The following TNRC6A variants were observed in gnomAD, a reference collection of about 807,000 sequenced individuals.
The protein encoded by TNRC6A is trinucleotide repeat-containing gene 6A protein.
A neutral mutation model predicts 221.2 loss-of-function variants in TNRC6A; 44 were observed. The ratio of observed to expected loss-of-function variants is 0.20; its 90% CI spans 0.16 to 0.26. The LOEUF (loss-of-function observed/expected upper bound fraction) is 0.26. Among genes scored for constraint, TNRC6A ranks in the 10% least tolerant of loss-of-function variants. The pLI is 1.00. For synonymous variants in TNRC6A, 847 were observed against 838.5 expected (o/e 1.01, Z -0.18); for missense variants, 2,199 against 2,404.4 (o/e 0.91, Z 1.79).
At chr16:24,675,084 C>T (rs1432810925) in intron 2 of TNRC6A, among the ~76,000 whole-genome samples, 2 of 151,900 alleles carry the variant, frequency 1.3e-5, no homozygotes, top group African/African-American at 2.4e-5. Flanking sequence ...AGTTCAAGGT[C>T]GCAGTCAGCT....
At chr16:24,822,236 A>G (rs969830925) in intron 23 of TNRC6A, 89 bp downstream of exon 23, 12 of 1,312,474 alleles carry the variant, frequency 9.1e-6, no homozygotes, top group Non-Finnish European at 1.3e-5. Context: ...AAGGGCTGCT[A>G]GGTGGTAGTG....
chr16:24,730,405 C>G, intron 2 of TNRC6A, 105 bp downstream of exon 2: 1 of 1,366,570 alleles, frequency 7.3e-7, no homozygotes, highest in Admixed American at 2.2e-5. Context: ...TTTTCTTCCG[C>G]ACCCGGAGAG....
At chr16:24,707,502 G>A (rs374164107) in intron 2 of TNRC6A, among the ~76,000 whole-genome samples, 2 of 151,934 alleles carry the variant, frequency 1.3e-5, no homozygotes, top group Non-Finnish European at 2.9e-5. Context: ...TAAATTAAAA[G>A]GTAGGTAACA....
At chr16:24,709,058 A>T (rs1410725436) in intron 2 of TNRC6A, among the ~76,000 whole-genome samples, 1 of 151,926 alleles carries the variant, frequency 6.6e-6, no homozygotes, top group African/African-American at 2.4e-5. Flanking sequence ...GGAGTTCGAG[A>T]CCAGCCTGAT....
At chr16:24,750,902 GATTTA>G (rs1047461981) in intron 3 of TNRC6A, 89 bp downstream of exon 3, 29 of 1,206,030 alleles carry the variant, frequency 2.4e-5, no homozygotes, top group Middle Eastern at 3.1e-4. Context: ...GCATTTATTT[GATTTA>G]ATGTTTTAGC....
rs182164702 is a variant in TNRC6A, at chr16:24,777,838, A to G, written c.589+480A>G. 2.1e-4 allele frequency among the ~76,000 whole-genome samples: 32 copies of G among 152,288 alleles called. No individual in the cohort carries two copies. The East Asian group carries it at 5.2e-3, about 25-fold the overall frequency. On this transcript the variant is annotated intron_variant, in intron 5 of 24. Transcript: ENST00000395799. ...CTGGCACTCATAGAAATTATATTCA[A>G]ACAGAGGAAATGCATTCAGTTATTT...
intron 4 of TNRC6A, among the ~76,000 whole-genome samples, chr16:24,769,071 T>C (rs1360911463): frequency 6.6e-6 from 1 of 152,234 alleles, no homozygotes; most frequent in Non-Finnish European, 1.5e-5. Flanking sequence ...ATTACAAATT[T>C]AGAACTTGGT....
intron 2 of TNRC6A, among the ~76,000 whole-genome samples, chr16:24,669,268 T>C (rs959522306): frequency 2.0e-5 from 3 of 151,918 alleles, no homozygotes; most frequent in African/African-American, 7.3e-5. Flanking sequence ...GGAGACTGAG[T>C]TGGGTGGACT....
intron 2 of TNRC6A, among the ~76,000 whole-genome samples, chr16:24,693,095 T>C (rs1434227534): frequency 1.3e-5 from 2 of 152,132 alleles, no homozygotes; most frequent in African/African-American, 4.8e-5. Flanking sequence ...TGTAGTGAGA[T>C]ACTGACTCAT....
intron 10 of TNRC6A, among the ~76,000 whole-genome samples, 157 bp from the exon 11 acceptor site, chr16:24,797,758 T>C (rs1281357014): frequency 1.3e-5 from 2 of 152,350 alleles, no homozygotes; most frequent in East Asian, 3.9e-4. Context: ...CATGTCTTAT[T>C]TTAAAACATT....
At chr16:24,771,582 T>TTATGTTTTATGTTATGTTATGTTGTGA in intron 4 of TNRC6A, among the ~76,000 whole-genome samples, 14 of 95,546 alleles carry the variant, frequency 1.5e-4, no homozygotes, top group African/African-American at 4.3e-4. Context: ...TTATGTTATG[T>TTATGTTTTATGTTATGTTATGTTGTGA]TGTTATGTTA....
chr16:24,678,819 TG>T (rs1029018516), intron 2 of TNRC6A, among the ~76,000 whole-genome samples: 1 of 152,162 alleles, frequency 6.6e-6, no homozygotes, highest in Non-Finnish European at 1.5e-5. Flanking sequence ...TGCTGAGTTC[TG>T]GGGAAAATTG....
chr16:24,790,782 G>C lies in TNRC6A; in HGVS notation c.2140G>C (p.Asp714His). Residue 714 changes from aspartate (D) to histidine (H), a missense_variant, in exon 6 of 25, where the codon GAT becomes CAT. Asp to His is a moderately conservative substitution (Grantham distance 81). Around this residue, in one of 8 missense-constraint regions of TNRC6A, gnomAD observed 1,405 missense variants for 1,400.2 expected, o/e 1.00. Coordinates refer to ENST00000395799, the MANE Select transcript of TNRC6A (RefSeq NM_014494.4). ...LQSIVNRTDL[D>H]PRVLSNSGWG... Reference sequence around the variant, plus strand: ...AAGCATTGTAAACAGAACTGACTTAGATCCACGTGTCCTGTCCAACTCTGG... The same window carrying C: ...AAGCATTGTAAACAGAACTGACTTACATCCACGTGTCCTGTCCAACTCTGG... 6.2e-7 allele frequency: 1 copy of C among 1,614,170 alleles called. No individual in the cohort carries two copies. Among genetic ancestry groups the C allele is most frequent in the East Asian group, 2.2e-5 (1 of 44,882 alleles).
intron 2 of TNRC6A, among the ~76,000 whole-genome samples, chr16:24,696,756 G>GAAAAAAAAAAA (rs2055872832): frequency 4.0e-5 from 3 of 75,534 alleles, no homozygotes; most frequent in African/African-American, 1.5e-4. Flanking sequence ...GAAAGGAAAG[G>GAAAAAAAAAAA]AAAGGAAGGG....
At chr16:24,641,670 CAAGT>C (rs1901958886) in intron 2 of TNRC6A, among the ~76,000 whole-genome samples, 1 of 152,158 alleles carries the variant, frequency 6.6e-6, no homozygotes, top group African/African-American at 2.4e-5. Context: ...TTTGGTACTA[CAAGT>C]AAGATATACC....
At chr16:24,666,668 A>AATATATATATATATATAT (rs1555487102) in intron 2 of TNRC6A, among the ~76,000 whole-genome samples, 1 of 65,138 alleles carries the variant, frequency 1.5e-5, no homozygotes, top group Admixed American at 2.2e-4. Context: ...AAAAAAAAAA[A>AATATATATATATATATAT]ATATATATAT....
chr16:24,818,806 A>AT (rs1374011779), intron 21 of TNRC6A, 106 bp downstream of exon 21: 1 of 852,454 alleles, frequency 1.2e-6, no homozygotes, highest in Non-Finnish European at 2.0e-6. Flanking sequence ...GAATTAGGAG[A>AT]TTCTGTTTGT....
intron 1 of TNRC6A, among the ~76,000 whole-genome samples, chr16:24,615,658 G>C (rs770302379): frequency 3.9e-5 from 6 of 152,210 alleles, no homozygotes; most frequent in Non-Finnish European, 8.8e-5. Context: ...CATCATCTTG[G>C]AGAGGGGGAA....
At chr16:24,815,037 C>T in intron 18 of TNRC6A, 110 bp from the exon 19 acceptor site, 1 of 1,229,730 alleles carries the variant, frequency 8.1e-7, no homozygotes, top group East Asian at 2.4e-5. Flanking sequence ...GAGAACACAG[C>T]CTAGAGCCCA....
Sources: allele counts gnomAD v4.1 joint callset (sites outside exome capture counted in the v4.1 genomes callset), GRCh38; gene constraint gnomAD v4.1.1; regional missense constraint gnomAD v4.1.1; transcripts MANE v1.5; gene names NCBI Gene and HGNC (gene_info 2026-07-23, HGNC 2026-07-21).